The following TEX26 variants were observed in gnomAD, a reference collection of about 807,000 sequenced individuals.
The protein encoded by TEX26 is testis-expressed protein 26.
A neutral mutation model predicts 35.3 loss-of-function variants in TEX26; 34 were observed. The observed-to-expected ratio is 0.96, with a 90% CI of 0.73 to 1.28. TEX26 has a LOEUF of 1.28. Among genes scored for constraint, TEX26 ranks in the 50% most tolerant of loss-of-function variants. TEX26 has a pLI of 0.00. For missense variants in TEX26, 371 were observed against 330.1 expected, an observed-to-expected ratio of 1.12 and a Z score of -0.96; for synonymous variants, 136 against 111.8, an observed-to-expected ratio of 1.22 and a Z score of -1.36.
chr13:30,961,973 A>T (rs1954361320), intron 4 of TEX26, among the ~76,000 whole-genome samples: 1 of 151,648 alleles, frequency 6.6e-6, no homozygotes, highest in African/African-American at 2.4e-5. Context: ...CTCTTCCCAA[A>T]CCTCTCCTTA....
intron 5 of TEX26, among the ~76,000 whole-genome samples, chr13:30,967,898 C>T (rs1954593740): frequency 6.6e-6 from 1 of 152,186 alleles, no homozygotes; most frequent in Non-Finnish European, 1.5e-5. Context: ...CACCATCGTT[C>T]TTCTAAAATC....
chr13:30,948,192 A>G (rs996504891), intron 2 of TEX26, among the ~76,000 whole-genome samples: 4 of 152,180 alleles, frequency 2.6e-5, no homozygotes, highest in Non-Finnish European at 5.9e-5. Context: ...TAGTGCCGCA[A>G]TAAACATACG....
intron 2 of TEX26, among the ~76,000 whole-genome samples, chr13:30,948,592 T>C (rs1953805154): frequency 1.3e-5 from 2 of 152,150 alleles, no homozygotes; most frequent in African/African-American, 4.8e-5. Flanking sequence ...GGGTTGTTTG[T>C]TTTTTTCTTG....
chr13:30,940,322 CTTTTTTTTTT>C (rs869246492), intron 2 of TEX26, among the ~76,000 whole-genome samples: 29 of 52,074 alleles, frequency 5.6e-4, no homozygotes, highest in African/African-American at 1.6e-3. Flanking sequence ...CATCAGCTGC[CTTTTTTTTTT>C]TTTTTTTTTT....
intron 2 of TEX26, among the ~76,000 whole-genome samples, chr13:30,950,331 A>T (rs911297033): frequency 6.6e-6 from 1 of 152,116 alleles, no homozygotes; most frequent in African/African-American, 2.4e-5. Context: ...GCTTGAACCC[A>T]GGAAGTGGAG....
intron 4 of TEX26, among the ~76,000 whole-genome samples, chr13:30,959,250 T>A (rs1191126987): frequency 6.6e-6 from 1 of 152,216 alleles, no homozygotes; most frequent in Non-Finnish European, 1.5e-5. Flanking sequence ...CAACAGTAGT[T>A]CCTTGACCTA....
At chr13:30,952,934 A>G in intron 3 of TEX26, 109 bp downstream of exon 3, 2 of 942,876 alleles carry the variant, frequency 2.1e-6, no homozygotes, top group South Asian at 3.4e-5. Context: ...CTACAGTCAC[A>G]GGATACATGG....
intron 2 of TEX26, among the ~76,000 whole-genome samples, chr13:30,942,988 G>A (rs1420139649): frequency 2.0e-5 from 3 of 151,982 alleles, no homozygotes; most frequent in African/African-American, 4.8e-5. Context: ...TTTTGGTTCT[G>A]TATGAATTTT....
chr13:30,946,280 T>C (rs964628316), intron 2 of TEX26, among the ~76,000 whole-genome samples: 1 of 151,978 alleles, frequency 6.6e-6, no homozygotes, highest in Non-Finnish European at 1.5e-5. Flanking sequence ...TAAATGTGTC[T>C]TTCATTTCTA....
chr13:30,957,164 A>G (rs1954171074), intron 4 of TEX26, 135 bp downstream of exon 4: 1 of 841,010 alleles, frequency 1.2e-6, no homozygotes, highest in African/African-American at 1.7e-5. Flanking sequence ...CTTTGCAAAT[A>G]AAAACCATCA....
chr13:30,967,787 C>T (rs1954590344), intron 5 of TEX26, among the ~76,000 whole-genome samples: 1 of 152,190 alleles, frequency 6.6e-6, no homozygotes, highest in Admixed American at 6.5e-5. Flanking sequence ...TTAGAACTCA[C>T]ATTAAATGAG....
chr13:30,971,279 G>T (rs567207427), intron 6 of TEX26, among the ~76,000 whole-genome samples: 2 of 152,328 alleles, frequency 1.3e-5, no homozygotes, highest in African/African-American at 2.4e-5. Context: ...TTTTGTGGCT[G>T]AGTACATATG....
chr13:30,935,285 C>A (rs1010938693), intron 1 of TEX26, among the ~76,000 whole-genome samples: 14 of 152,220 alleles, frequency 9.2e-5, no homozygotes, highest in Non-Finnish European at 2.1e-4. Context: ...GCTGGGGTCC[C>A]CAGTAAGGCC....
chr13:30,972,547 A>T (rs911525971), intron 6 of TEX26, among the ~76,000 whole-genome samples: 50 of 152,214 alleles, frequency 3.3e-4, no homozygotes, highest in African/African-American at 1.1e-3. Flanking sequence ...GCAAATATCA[A>T]TGAGAGGAAG....
intron 2 of TEX26, among the ~76,000 whole-genome samples, chr13:30,945,352 C>T (rs1158189620): frequency 1.3e-5 from 2 of 151,646 alleles, no homozygotes; most frequent in African/African-American, 4.8e-5. Context: ...TGTTTTAGAT[C>T]AGTCTCTTGA....
At chr13:30,936,924 AAATT>A (rs926872704) in intron 1 of TEX26, 1 of 985,330 alleles carries the variant, frequency 1.0e-6, no homozygotes, top group African/African-American at 1.7e-5. Context: ...TTAATGAAGA[AAATT>A]AATTCCAATG....
At position 30,954,393 on chromosome 13, in the gene TEX26, A is replaced by G. The variant is rs565168387; in HGVS notation, c.312+1568A>G. 1.9e-4 allele frequency among the ~76,000 whole-genome samples: 28 copies of G among 147,822 alleles called. No individual in the cohort carries two copies. In the South Asian group the frequency reaches 5.7e-3, roughly 30 times the overall value. The stretch of plus-strand genomic sequence containing the variant: ...CTCTAAAAATATATATATCTAAATT[A>G]TATATTTAATATATAATTTATATAT... On this transcript the variant is annotated intron_variant, in intron 3 of 6. Transcript: ENST00000380473.
In TEX26 at chr13:30,969,007, T is replaced by C. The variant is rs776688513; in HGVS notation, c.769T>C (p.Ser257Pro). The C allele has an allele frequency of 3.7e-6, 6 of 1,613,944 alleles. No homozygotes were observed. The Admixed American group carries it at 8.3e-5, about 22-fold the overall frequency. Residue 257 changes from serine (S) to proline (P), a missense_variant, in exon 6 of 7, where the codon TCT becomes CCT. Ser to Pro is a moderately conservative substitution (Grantham distance 74). Transcript: ENST00000380473. ...FLMLLNSFTS[S>P]QVKEYLQSLS... ...AATGCTTTTAAACTCATTTACTTCC[T>C]CTCAAGTCAAAGAGTACCTTCAGAG...
At chr13:30,951,597 C>A (rs1031583366) in intron 2 of TEX26, among the ~76,000 whole-genome samples, 7 of 152,150 alleles carry the variant, frequency 4.6e-5, no homozygotes, top group African/African-American at 1.7e-4. Flanking sequence ...CCAGCAACAG[C>A]AATCATCACT....
Sources: gnomAD v4.1 joint callset for allele counts (sites outside exome capture counted in the v4.1 genomes callset) on GRCh38, gnomAD v4.1.1 for gene constraint, MANE v1.5 for transcripts, NCBI Gene and HGNC (gene_info 2026-07-23, HGNC 2026-07-21) for gene names.